The following PKIB variants were observed in gnomAD, a reference collection of about 807,000 sequenced individuals.
PKIB encodes PKI-beta.
PKIB carries 2 observed loss-of-function variants against 4.5 expected under a neutral mutation model. The observed-to-expected ratio is 0.44, with a 90% CI of 0.18 to 1.39. The LOEUF (loss-of-function observed/expected upper bound fraction) is 1.39, where lower values mean the gene tolerates loss of function less well. Among genes scored for constraint, PKIB ranks in the 40% most tolerant of loss-of-function variants. PKIB has a pLI of 0.27. For missense variants in PKIB, 94 were observed against 92.6 expected (o/e 1.02, Z -0.06); for synonymous variants, 38 against 36.0 (o/e 1.06, Z -0.20).
chr6:122,713,912 T>C (rs776822115), intron 3 of PKIB, among the ~76,000 whole-genome samples: 1 of 152,180 alleles, frequency 6.6e-6, no homozygotes, highest in Non-Finnish European at 1.5e-5. Context: ...CCTATAAATA[T>C]TAATTTTTAA....
At chr6:122,539,347 A>G (rs1377485150) in intron 2 of PKIB, among the ~76,000 whole-genome samples, 3 of 151,994 alleles carry the variant, frequency 2.0e-5, no homozygotes, top group Non-Finnish European at 4.4e-5. Flanking sequence ...TTATTTTGAG[A>G]TACGTCCCAT....
At chr6:122,589,887 AAGTGAT>A (rs1181786401) in intron 3 of PKIB, among the ~76,000 whole-genome samples, 3 of 152,188 alleles carry the variant, frequency 2.0e-5, no homozygotes, top group Non-Finnish European at 4.4e-5. Context: ...AAGTTCAAAT[AAGTGAT>A]CCTCAAATAT....
chr6:122,508,348 G>A (rs752608877), intron 2 of PKIB, among the ~76,000 whole-genome samples: 4 of 152,328 alleles, frequency 2.6e-5, no homozygotes, highest in Non-Finnish European at 2.9e-5. Flanking sequence ...AACCCTCAAG[G>A]GTTAACACCA....
At chr6:122,693,814 A>G (rs551492774) in intron 3 of PKIB, among the ~76,000 whole-genome samples, 3 of 152,318 alleles carry the variant, frequency 2.0e-5, no homozygotes, top group Non-Finnish European at 4.4e-5. Flanking sequence ...TGTTTAGTGA[A>G]CATCATATTA....
chr6:122,570,133 C>T (rs1034288603), intron 2 of PKIB, among the ~76,000 whole-genome samples: 2 of 152,184 alleles, frequency 1.3e-5, no homozygotes, highest in Non-Finnish European at 2.9e-5. Flanking sequence ...CACAACTCCT[C>T]TTTACTTAGA....
chr6:122,611,850 G>T (rs1297349525), intron 1 of PKIB, among the ~76,000 whole-genome samples: 1 of 152,120 alleles, frequency 6.6e-6, no homozygotes, highest in Non-Finnish European at 1.5e-5. Flanking sequence ...TTAGTGTGCC[G>T]GGTGCTGGTC....
At chr6:122,547,563 C>A (rs925488761) in intron 2 of PKIB, among the ~76,000 whole-genome samples, 1 of 152,120 alleles carries the variant, frequency 6.6e-6, no homozygotes, top group African/African-American at 2.4e-5. Flanking sequence ...GTCTCGAACT[C>A]CTGACCTCAG....
At chr6:122,683,740 C>G (rs896625389) in intron 3 of PKIB, among the ~76,000 whole-genome samples, 3 of 152,174 alleles carry the variant, frequency 2.0e-5, no homozygotes, top group Non-Finnish European at 4.4e-5. Flanking sequence ...AGAACACAGA[C>G]TGACTTCTAA....
intron 2 of PKIB, among the ~76,000 whole-genome samples, chr6:122,550,720 C>T (rs1475390558): frequency 2.0e-5 from 3 of 152,092 alleles, no homozygotes; most frequent in African/African-American, 7.2e-5. Flanking sequence ...TGTTGCCATG[C>T]AAAAAATTTC....
At chr6:122,625,697 G>A (rs2114802225) in intron 1 of PKIB, among the ~76,000 whole-genome samples, 1 of 152,106 alleles carries the variant, frequency 6.6e-6, no homozygotes, top group South Asian at 2.1e-4. Context: ...CTATGAAAAT[G>A]TAGCAGTTGC....
Position 122,633,328 on chromosome 6 carries a change from A to G in PKIB, c.-115A>G, listed in dbSNP as rs1775775708. 1 of 152,176 alleles carries G rather than the reference A, an allele frequency of 6.6e-6. No individual in the cohort carries two copies. Among genetic ancestry groups the G allele is most frequent in the African/African-American group, 2.4e-5 (1 of 41,450 alleles). The allele number at this position is 152,176 out of a possible 1,614,324, so 9.4% of individuals were successfully genotyped here. A position where few individuals can be genotyped will look rare whatever the true frequency, so the allele number is the denominator to read the frequency against. On this transcript the variant is annotated 5_prime_UTR_variant, in exon 2 of 5. Coordinates refer to ENST00000368452, the MANE Select transcript of PKIB (RefSeq NM_181795.3). ...GACACTTCATCAAGATAACTCTGGG[A>G]GAAGCAGAAAACCCTGTGCCAGGGA...
chr6:122,670,443 T>C (rs1777412778), intron 2 of PKIB, among the ~76,000 whole-genome samples: 1 of 152,158 alleles, frequency 6.6e-6, no homozygotes, highest in South Asian at 2.1e-4. Context: ...GATTTGCTAT[T>C]TGCTTACTAC....
intron 3 of PKIB, among the ~76,000 whole-genome samples, chr6:122,688,405 G>C (rs9398689): frequency 0.25 from 38,705 of 151,972 alleles, 5,495 homozygotes; most frequent in East Asian, 0.54. Flanking sequence ...ATATTGGTGT[G>C]TATTTTTCTC....
intron 2 of PKIB, among the ~76,000 whole-genome samples, chr6:122,497,412 T>G (rs1293859056): frequency 6.6e-6 from 1 of 152,140 alleles, no homozygotes; most frequent in Non-Finnish European, 1.5e-5. Flanking sequence ...CACACCCTAC[T>G]TAGAAGGCAA....
At chr6:122,507,984 T>A (rs1776465795) in intron 2 of PKIB, among the ~76,000 whole-genome samples, 1 of 152,204 alleles carries the variant, frequency 6.6e-6, no homozygotes, top group African/African-American at 2.4e-5. Flanking sequence ...TTTAATTTTT[T>A]TAATTTTTTG....
At chr6:122,527,593 A>G (rs995971895) in intron 2 of PKIB, among the ~76,000 whole-genome samples, 3 of 152,192 alleles carry the variant, frequency 2.0e-5, no homozygotes, top group African/African-American at 7.2e-5. Flanking sequence ...CAGAACATAT[A>G]CAACATTTAT....
intron 2 of PKIB, among the ~76,000 whole-genome samples, chr6:122,485,917 CTT>C (rs1409453389): frequency 6.6e-6 from 1 of 152,130 alleles, no homozygotes; most frequent in African/African-American, 2.4e-5. Context: ...AATTGTCTCT[CTT>C]CTATTTTTTT....
intron 3 of PKIB, among the ~76,000 whole-genome samples, chr6:122,589,267 T>C (rs1413542400): frequency 1.3e-5 from 2 of 152,128 alleles, no homozygotes; most frequent in African/African-American, 2.4e-5. Context: ...TGAAATACTA[T>C]GCAACAATTT....
intron 3 of PKIB, among the ~76,000 whole-genome samples, chr6:122,589,587 A>G (rs182175664): frequency 6.6e-6 from 1 of 152,292 alleles, no homozygotes; most frequent in African/African-American, 2.4e-5. Flanking sequence ...TAATGTAAAA[A>G]CAAGTTGGTT....
Sources: allele counts gnomAD v4.1 joint callset (sites outside exome capture counted in the v4.1 genomes callset), GRCh38; gene constraint gnomAD v4.1.1; transcripts MANE v1.5; gene names NCBI Gene and HGNC (gene_info 2026-07-23, HGNC 2026-07-21).